Variants in ABCA10 observed in about 807,000 individuals in gnomAD.
ABCA10 encodes ATP-binding cassette sub-family A member 10.
In ABCA10, 169 loss-of-function variants were observed where a neutral mutation model predicts 187.5. That is an observed-to-expected ratio of 0.90 (90% CI 0.80 to 1.02). The LOEUF (loss-of-function observed/expected upper bound fraction) is 1.02, where lower values mean the gene tolerates loss of function less well. ABCA10 is among the 50% of genes least tolerant of loss of function. The pLI, the probability that ABCA10 is intolerant of heterozygous loss-of-function variation, is 0.00. For missense variants in ABCA10, 1,727 were observed against 1,812.4 expected (o/e 0.95, Z 0.86); for synonymous variants, 574 against 601.8 (o/e 0.95, Z 0.68).
Position 69,182,821 on chromosome 17 carries a change from A to G in ABCA10, c.2498-13T>C, listed in dbSNP as rs1352156729. ...TCAATATTTGATCCTAACATAGTGGAAGGAAGGCAACAAGAAAAAAAAAAA... is the reference window on the plus strand; with the variant it reads ...TCAATATTTGATCCTAACATAGTGGGAGGAAGGCAACAAGAAAAAAAAAAA... On this transcript the variant is annotated splice_polypyrimidine_tract_variant and intron_variant, in intron 20 of 38. Coordinates refer to ENST00000690296, the MANE Select transcript of ABCA10 (RefSeq NM_001377321.1). 3 of 1,507,850 alleles carry G rather than the reference A, an allele frequency of 2.0e-6. No homozygotes were observed. The highest frequency in any genetic ancestry group is 1.7e-5 in the African/African-American group (1 of 59,636). 93.4% of individuals were successfully genotyped at this position (1,507,850 alleles called of 1,614,324 possible).
intron 27 of ABCA10, among the ~76,000 whole-genome samples, chr17:69,161,843 C>T (rs1228429708): frequency 6.6e-6 from 1 of 152,102 alleles, no homozygotes; most frequent in South Asian, 2.1e-4. Flanking sequence ...ATCATCGATG[C>T]TGTAAAAAAG....
At chr17:69,158,280 T>A (rs1438652175) in intron 27 of ABCA10, among the ~76,000 whole-genome samples, 2 of 151,982 alleles carry the variant, frequency 1.3e-5, no homozygotes, top group Non-Finnish European at 2.9e-5. Context: ...TAATGCAGTA[T>A]ATATTTTCAA....
intron 11 of ABCA10, among the ~76,000 whole-genome samples, chr17:69,195,111 T>C (rs1390082942): frequency 6.6e-6 from 1 of 152,170 alleles, no homozygotes; most frequent in Non-Finnish European, 1.5e-5. Flanking sequence ...TTCTTTAATG[T>C]TTGAAAACTT....
rs373883917 is a variant in ABCA10 at position 69,181,060 on chromosome 17, A to G, written c.2769+1093T>C. Among the ~76,000 whole-genome samples, 501 of 152,280 alleles carry G rather than the reference A, an allele frequency of 3.3e-3. 17 individuals carry two copies. The South Asian group carries it at 0.059, about 18-fold the overall frequency. On this transcript the variant is annotated intron_variant, in intron 22 of 38. Transcript: ENST00000690296. ...AGAATTTTAAATGACAAAGAACAATAGAACTGTTAAAAAATCATAATTTTA... is the reference window on the plus strand; with the variant it reads ...AGAATTTTAAATGACAAAGAACAATGGAACTGTTAAAAAATCATAATTTTA...
At position 69,222,526 on chromosome 17, in the gene ABCA10, T is replaced by C. The variant is rs777822354; in HGVS notation, c.199+7A>G. Reference sequence around the variant, plus strand: ...AAAAAAATTATAATCAGTTTTTTTATAGTTACCTGTGTATTCAGAGTGCTC... The same window carrying C: ...AAAAAAATTATAATCAGTTTTTTTACAGTTACCTGTGTATTCAGAGTGCTC... On this transcript the variant is annotated splice_region_variant and intron_variant, in intron 4 of 38. Coordinates refer to ENST00000690296, the MANE Select transcript of ABCA10 (RefSeq NM_001377321.1). 2.0e-6 allele frequency: 3 copies of C among 1,535,544 alleles called. No individual in the cohort carries two copies. The highest frequency in any genetic ancestry group is 2.4e-5 in the East Asian group (1 of 42,104).
chr17:69,160,697 G>A (rs1354765479), intron 27 of ABCA10, among the ~76,000 whole-genome samples: 3 of 151,868 alleles, frequency 2.0e-5, no homozygotes, highest in Non-Finnish European at 2.9e-5. Flanking sequence ...TCAATGAAAC[G>A]CAAATGAAAA....
chr17:69,187,954 T>C, intron 18 of ABCA10, 75 bp from the exon 19 acceptor site: 1 of 1,372,672 alleles, frequency 7.3e-7, no homozygotes, highest in Non-Finnish European at 1.0e-6. Context: ...GAAAATGATG[T>C]TAGACTATTT....
rs1018083271 is a variant in ABCA10 at position 69,201,815 on chromosome 17, C to T, written c.1007-147G>A. ...ATAATTTTTTTTTTTGAGACAGTCA[C>T]GCTCTGTTGCCCAGGCAGGAGTGCA... On this transcript the variant is annotated intron_variant, in intron 9 of 38. Coordinates refer to ENST00000690296, the MANE Select transcript of ABCA10 (RefSeq NM_001377321.1). 62 of 676,704 alleles carry T rather than the reference C, an allele frequency of 9.2e-5. 1 individual carries two copies. The highest frequency in any genetic ancestry group is 6.5e-4 in the East Asian group (20 of 30,624). 41.9% of individuals were successfully genotyped at this position (676,704 alleles called of 1,614,324 possible). A position where few individuals can be genotyped will look rare whatever the true frequency, so the allele number is the denominator to read the frequency against.
At position 69,214,390 on chromosome 17, in the gene ABCA10, C is replaced by CTG. The variant is rs375615936; in HGVS notation, c.1006+312_1006+313dup. 9.7e-3 allele frequency among the ~76,000 whole-genome samples: 1,463 copies of CTG among 150,888 alleles called. 24 individuals are homozygous for CTG. Among genetic ancestry groups the CTG allele is most frequent in the African/African-American group, 0.033 (1,358 of 41,244 alleles). On this transcript the variant is annotated intron_variant, in intron 9 of 38. Coordinates refer to ENST00000690296, the MANE Select transcript of ABCA10 (RefSeq NM_001377321.1). ...ATTAGCTGGGCGTAGTGGCGGGCGC[C>CTG]TGTAGTCCCAGCTACTTGGGAGGCT... is the stretch of plus-strand genomic sequence containing the variant.
At chr17:69,150,089 T>A (rs757621465) in intron 36 of ABCA10, 26 bp from the exon 37 acceptor site, 2 of 1,551,206 alleles carry the variant, frequency 1.3e-6, no homozygotes, top group Admixed American at 3.5e-5. Context: ...GTGAGATTTA[T>A]TACTAAGTTT....
At chr17:69,150,893 G>T (rs528603176) in intron 36 of ABCA10, among the ~76,000 whole-genome samples, 7 of 152,218 alleles carry the variant, frequency 4.6e-5, no homozygotes, top group African/African-American at 1.4e-4. Flanking sequence ...GTCTTTGTTG[G>T]TATGGTTGTG....
rs1368172521 is a variant in ABCA10 at position 69,187,611 on chromosome 17, TTTAC to T, written c.2330+66_2330+69del. On this transcript the variant is annotated intron_variant, in intron 19 of 38. Transcript: ENST00000690296. ...TTAAATGAATGAATAAATTAATATA[TTTAC>T]TTTCTTAATATTTGAATGTTTTTTC... is the stretch of plus-strand genomic sequence containing the variant. 4.2e-6 allele frequency: 6 copies of T among 1,424,786 alleles called. No homozygotes were observed. In the African/African-American group the frequency reaches 8.8e-5, roughly 21 times the overall value. The allele number at this position is 1,424,786 out of a possible 1,614,324, so 88.3% of individuals were successfully genotyped here.
At chr17:69,210,692 A>ATT (rs2074637060) in intron 9 of ABCA10, among the ~76,000 whole-genome samples, 1 of 151,480 alleles carries the variant, frequency 6.6e-6, no homozygotes, top group Non-Finnish European at 1.5e-5. Flanking sequence ...TCCTGAGTTA[A>ATT]CTTCACTTAG....
At position 69,150,876 on chromosome 17, in the gene ABCA10, C is replaced by T. The variant is rs114108750; in HGVS notation, c.4398-813G>A. ...CTACTGGCCAATGCTGTTCTAGATA[C>T]TCCTCAGTCTTTGTTGGTATGGTTG... On this transcript the variant is annotated intron_variant, in intron 36 of 38. Transcript: ENST00000690296. 3.7e-3 allele frequency among the ~76,000 whole-genome samples: 557 copies of T among 152,306 alleles called. 10 individuals are homozygous for T. The highest frequency in any genetic ancestry group is 0.013 in the African/African-American group (527 of 41,564).
chr17:69,185,520 G>A lies in ABCA10; in HGVS notation c.2454C>T (p.Ile818=), dbSNP rs1211812727. The change falls in exon 20 of 39, where the codon ATC becomes ATT. Residue 818 remains isoleucine, a synonymous_variant. Transcript: ENST00000690296. ...PSMYFLSLEQ[I]PKTPLTSLLI... is the part of the protein sequence containing the mutation. ...ACAGGCTGGTAAGAGGCGTCTTCGG[G>A]ATTTGTTCCAGAGAAAGGAAATACA... is the stretch of plus-strand genomic sequence containing the variant. 3 of 1,613,544 alleles carry A rather than the reference G, an allele frequency of 1.9e-6. No individual in the cohort carries two copies. Among genetic ancestry groups the A allele is most frequent in the African/African-American group, 1.3e-5 (1 of 75,004 alleles).
chr17:69,222,333 A>T (rs1598125181), intron 4 of ABCA10, among the ~76,000 whole-genome samples, 200 bp downstream of exon 4: 1 of 86,988 alleles, frequency 1.1e-5, no homozygotes, highest in East Asian at 2.2e-4. Flanking sequence ...GGGAGACTCC[A>T]TCTCAAAAAA....
intron 1 of ABCA10, among the ~76,000 whole-genome samples, chr17:69,240,120 T>A (rs1053274446): frequency 2.0e-5 from 3 of 152,222 alleles, no homozygotes; most frequent in Non-Finnish European, 4.4e-5. Context: ...AACTTTATGT[T>A]CTGCATTGTT....
chr17:69,224,906 A>T (rs1273387457), intron 3 of ABCA10, among the ~76,000 whole-genome samples: 1 of 152,122 alleles, frequency 6.6e-6, no homozygotes, highest in Non-Finnish European at 1.5e-5. Context: ...ATATACTGGG[A>T]ACTATATTTA....
intron 26 of ABCA10, 23 bp from the exon 27 acceptor site, chr17:69,164,177 T>C: frequency 1.3e-6 from 2 of 1,554,214 alleles, no homozygotes; most frequent in Non-Finnish European, 1.7e-6. Flanking sequence ...CCACCAACAG[T>C]TAAATGCAAG....
Sources: allele counts gnomAD v4.1 joint callset (sites outside exome capture counted in the v4.1 genomes callset), GRCh38; gene constraint gnomAD v4.1.1; transcripts MANE v1.5; gene names NCBI Gene and HGNC (gene_info 2026-07-23, HGNC 2026-07-21).